Variants in HSPA12A observed in about 807,000 individuals in gnomAD.
HSPA12A encodes heat shock protein family A (Hsp70) member 12A, also known as heat shock 70 kDa protein 12A.
Under a neutral mutation model 69.2 loss-of-function variants are expected in HSPA12A, and 28 were observed. That is an observed-to-expected ratio of 0.40 (90% confidence interval 0.30 to 0.55). HSPA12A has a LOEUF of 0.55. HSPA12A is among the 20% of genes least tolerant of loss of function. HSPA12A has a pLI of 0.38. For synonymous variants in HSPA12A, 345 were observed against 370.5 expected (o/e 0.93, Z 0.79); for missense variants, 686 against 900.7 (o/e 0.76, Z 3.05).
rs1035427213 is a variant in HSPA12A at position 116,710,472 on chromosome 10, C to T, written c.41-3187G>A. Among the ~76,000 whole-genome samples the T allele has an allele frequency of 6.6e-6, 1 of 152,148 alleles. No individual in the cohort carries two copies. Among genetic ancestry groups the T allele is most frequent in the Non-Finnish European group, 1.5e-5 (1 of 68,044 alleles). Reference sequence around the variant, plus strand: ...GTTGAGCCACACATGGAACACATGTCTTGGGTCCCCAGGGGACTCTAGGAT... The same window carrying T: ...GTTGAGCCACACATGGAACACATGTTTTGGGTCCCCAGGGGACTCTAGGAT... On this transcript the variant is annotated intron_variant, in intron 1 of 11. Transcript: ENST00000369209. The surrounding 1 kb of genome is among the most constrained non-coding windows in gnomAD (Gnocchi z 4.1).
At chr10:116,704,183 C>T (rs2132976066) in intron 3 of HSPA12A, among the ~76,000 whole-genome samples, 1 of 152,296 alleles carries the variant, frequency 6.6e-6, no homozygotes, top group Non-Finnish European at 1.5e-5. Flanking sequence ...CGGCACTATT[C>T]ACAATAGCAA....
intron 2 of HSPA12A, among the ~76,000 whole-genome samples, chr10:116,799,320 A>C (rs188771289): frequency 6.6e-6 from 1 of 152,138 alleles, no homozygotes; most frequent in African/African-American, 2.4e-5. Flanking sequence ...TTCATCTACT[A>C]AACAGCTTCT....
intron 1 of HSPA12A, among the ~76,000 whole-genome samples, chr10:116,727,301 T>C (rs951535517): frequency 6.6e-6 from 1 of 152,174 alleles, no homozygotes. Context: ...GGCTCATTCA[T>C]GTCCATGTTC....
intron 1 of HSPA12A, among the ~76,000 whole-genome samples, chr10:116,711,474 G>C (rs1850425316): frequency 6.6e-6 from 1 of 152,148 alleles, no homozygotes; most frequent in Admixed American, 6.5e-5. Context: ...CAAGAAATGT[G>C]ATCAAGGACA....
At chr10:116,729,019 C>A (rs1208628619) in intron 1 of HSPA12A, among the ~76,000 whole-genome samples, 2 of 152,210 alleles carry the variant, frequency 1.3e-5, no homozygotes, top group African/African-American at 4.8e-5. Context: ...GACATGGGAC[C>A]CTCATTTTAG....
chr10:116,807,889 C>T (rs1276996708), intron 2 of HSPA12A, among the ~76,000 whole-genome samples: 3 of 152,198 alleles, frequency 2.0e-5, no homozygotes, highest in Non-Finnish European at 4.4e-5. Flanking sequence ...GCAGACTGCG[C>T]CCAGACTTCA....
intron 2 of HSPA12A, among the ~76,000 whole-genome samples, chr10:116,828,378 C>A (rs1258025885): frequency 2.6e-5 from 4 of 152,170 alleles, no homozygotes; most frequent in Non-Finnish European, 5.9e-5. Context: ...AAGGACATGG[C>A]TGCGAGGCAT....
In HSPA12A at chr10:116,675,500, G is replaced by C. The variant is rs1554877595; in HGVS notation, c.1391-82C>G. ...GAACTGGGCTGCCTGCATCTGTGGGGAACGGATAAAGCCACTTGGGCCACT... is the reference window on the plus strand; with the variant it reads ...GAACTGGGCTGCCTGCATCTGTGGGCAACGGATAAAGCCACTTGGGCCACT... On this transcript the variant is annotated intron_variant, in intron 11 of 11. Coordinates refer to ENST00000369209, the MANE Select transcript of HSPA12A (RefSeq NM_025015.3). The surrounding 1 kb of genome is among the most constrained non-coding windows in gnomAD (Gnocchi z 5.2). 1 of 1,437,404 alleles carries C rather than the reference G, an allele frequency of 7.0e-7. No individual in the cohort carries two copies. Among genetic ancestry groups the C allele is most frequent in the African/African-American group, 1.4e-5 (1 of 69,454 alleles). The allele number at this position is 1,437,404 out of a possible 1,614,324, so 89.0% of individuals were successfully genotyped here.
At chr10:116,724,280 T>C (rs1438341883) in intron 1 of HSPA12A, among the ~76,000 whole-genome samples, 2 of 152,218 alleles carry the variant, frequency 1.3e-5, no homozygotes, top group Non-Finnish European at 2.9e-5. Context: ...TGGGATCTTT[T>C]TTTAAAACTT....
At chr10:116,688,787 C>T (rs1665659) in intron 6 of HSPA12A, among the ~76,000 whole-genome samples, 8,436 of 152,226 alleles carry the variant, frequency 0.055, 421 homozygotes, top group East Asian at 0.27. Context: ...AACACGTTTC[C>T]GGAGCCTACT....
intron 2 of HSPA12A, among the ~76,000 whole-genome samples, chr10:116,814,590 C>T (rs1845260974): frequency 6.6e-6 from 1 of 152,196 alleles, no homozygotes. Flanking sequence ...TCACTCTCCA[C>T]CCTCCCTCCC....
intron 2 of HSPA12A, among the ~76,000 whole-genome samples, chr10:116,814,688 A>C (rs958386772): frequency 5.9e-5 from 9 of 152,202 alleles, no homozygotes; most frequent in Admixed American, 5.2e-4. Flanking sequence ...TCAGAGCCAA[A>C]AGAGAAAGGA....
chr10:116,769,274 G>T (rs6585417), intron 2 of HSPA12A, among the ~76,000 whole-genome samples: 12,721 of 152,076 alleles, frequency 0.084, 1,616 homozygotes, highest in African/African-American at 0.27. Flanking sequence ...GTGTGGGCTT[G>T]GTGGGGTCTT....
At chr10:116,825,120 G>A (rs1415936948) in intron 2 of HSPA12A, among the ~76,000 whole-genome samples, 3 of 151,154 alleles carry the variant, frequency 2.0e-5, no homozygotes, top group Admixed American at 1.3e-4. Context: ...CTGGGAGGCC[G>A]AAGCTGCAGC....
chr10:116,748,193 T>C (rs1186695148), intron 2 of HSPA12A, among the ~76,000 whole-genome samples: 7 of 152,174 alleles, frequency 4.6e-5, no homozygotes, highest in Non-Finnish European at 8.8e-5. Flanking sequence ...GTGCTAGCTG[T>C]GATTACTTGG....
intron 5 of HSPA12A, 49 bp from the exon 6 acceptor site, chr10:116,692,516 T>G: frequency 2.1e-6 from 3 of 1,435,746 alleles, no homozygotes; most frequent in Non-Finnish European, 2.9e-6. Context: ...AGCTGGTTCC[T>G]GGAGCAGCCT....
intron 2 of HSPA12A, chr10:116,831,705 C>G (rs1188987867): frequency 6.6e-6 from 1 of 152,216 alleles, no homozygotes; most frequent in Non-Finnish European, 1.5e-5. Context: ...GTTCTTTCCT[C>G]TGTTCACAAG....
chr10:116,753,791 G>A (rs1290720431), intron 2 of HSPA12A, among the ~76,000 whole-genome samples: 1 of 152,166 alleles, frequency 6.6e-6, no homozygotes, highest in Non-Finnish European at 1.5e-5. Flanking sequence ...TAAGTGAGGT[G>A]GTGCGTGTGG....
At chr10:116,811,939 G>A (rs953616000) in intron 2 of HSPA12A, among the ~76,000 whole-genome samples, 3 of 152,170 alleles carry the variant, frequency 2.0e-5, no homozygotes, top group South Asian at 2.1e-4. Flanking sequence ...CAATGGCGGC[G>A]GTGAGCAGCA....
Sources: allele counts gnomAD v4.1 joint callset (sites outside exome capture counted in the v4.1 genomes callset), GRCh38; gene constraint gnomAD v4.1.1; non-coding constraint Gnocchi (gnomAD v3.1); transcripts MANE v1.5; gene names NCBI Gene and HGNC (gene_info 2026-07-23, HGNC 2026-07-21).